TMEM229B: variants seen among roughly 807,000 people sequenced by gnomAD.
TMEM229B encodes transmembrane protein 229B.
A neutral mutation model predicts 13.7 loss-of-function variants in TMEM229B; 6 were observed. The ratio of observed to expected loss-of-function variants is 0.44; its 90% CI spans 0.24 to 0.86. The LOEUF (loss-of-function observed/expected upper bound fraction) is 0.86, where lower values mean the gene tolerates loss of function less well. Ranked by LOEUF, TMEM229B falls within the 40% of genes least tolerant of loss-of-function variation. The pLI, the probability that TMEM229B is intolerant of heterozygous loss-of-function variation, is 0.23. For missense variants in TMEM229B, 170 were observed against 236.0 expected (o/e 0.72, Z 1.83); for synonymous variants, 107 against 102.1 (o/e 1.05, Z -0.29).
At chr14:67,522,042 A>C (rs1203137787) in intron 1 of TMEM229B, among the ~76,000 whole-genome samples, 1 of 152,100 alleles carries the variant, frequency 6.6e-6, no homozygotes, top group Non-Finnish European at 1.5e-5. Flanking sequence ...GGCATGGTGG[A>C]GCGTGCCTGT....
At chr14:67,494,890 T>A (rs191872092) in intron 1 of TMEM229B, among the ~76,000 whole-genome samples, 1 of 152,148 alleles carries the variant, frequency 6.6e-6, no homozygotes, top group Admixed American at 6.5e-5. Flanking sequence ...GGTGGGAAGA[T>A]TGCTTGAAGT....
chr14:67,508,763 A>AAAAAAAAAAAAAAAAAAC (rs2032924787), intron 1 of TMEM229B, among the ~76,000 whole-genome samples: 1 of 150,648 alleles, frequency 6.6e-6, no homozygotes, highest in South Asian at 2.1e-4. Flanking sequence ...CAAAAAAAAA[A>AAAAAAAAAAAAAAAAAAC]AAAAAAAACA....
At chr14:67,489,797 T>C (rs1336757040), upstream of TMEM229B, among the ~76,000 whole-genome samples, 1 of 152,192 alleles carries the variant, frequency 6.6e-6, no homozygotes, top group Non-Finnish European at 1.5e-5. Context: ...GAGACCATCC[T>C]GGCTAACATG....
chr14:67,472,454 T>C lies in TMEM229B; in HGVS notation c.*966A>G, dbSNP rs2140025822. 1 of 152,434 alleles carries C rather than the reference T, an allele frequency of 6.6e-6. No individual in the cohort carries two copies. The highest frequency in any genetic ancestry group is 1.5e-5 in the Non-Finnish European group (1 of 68,150). 9.4% of individuals were successfully genotyped at this position (152,434 alleles called of 1,614,324 possible). On this transcript the variant is annotated 3_prime_UTR_variant, in exon 3 of 3. Coordinates refer to ENST00000554480, the MANE Select transcript of TMEM229B (RefSeq NM_001348543.2). ...CACAGGGCCTAACCCAGCCTGCCTG[T>C]GCATTGGAGGGCATCATTTGTTCTC...
intron 1 of TMEM229B, among the ~76,000 whole-genome samples, chr14:67,512,791 C>G (rs780778398): frequency 3.1e-4 from 47 of 152,074 alleles, no homozygotes; most frequent in Admixed American, 7.9e-4. Context: ...AGGAAAAAGC[C>G]CACCAGGAAG....
intron 1 of TMEM229B, among the ~76,000 whole-genome samples, chr14:67,510,857 A>G (rs903296456): frequency 6.6e-6 from 1 of 152,152 alleles, no homozygotes; most frequent in African/African-American, 2.4e-5. Context: ...AATGGCAGTT[A>G]TTGTCAGCAA....
chr14:67,527,141 C>T (rs1162075512), intron 1 of TMEM229B, among the ~76,000 whole-genome samples: 1 of 152,192 alleles, frequency 6.6e-6, no homozygotes, highest in Non-Finnish European at 1.5e-5. Context: ...AGGGAACCCA[C>T]ACATCCCTGA....
intron 1 of TMEM229B, among the ~76,000 whole-genome samples, chr14:67,514,293 G>A (rs555395946): frequency 5.3e-5 from 8 of 152,262 alleles, no homozygotes; most frequent in East Asian, 1.9e-4. Context: ...AAAGGGGTCC[G>A]TTTCTGACTG....
chr14:67,479,712 C>T (rs895162294), intron 2 of TMEM229B, among the ~76,000 whole-genome samples: 5 of 151,914 alleles, frequency 3.3e-5, no homozygotes, highest in Middle Eastern at 3.4e-3. Context: ...AGTGAGACTC[C>T]GTCTCAAAAA....
intron 2 of TMEM229B, among the ~76,000 whole-genome samples, chr14:67,479,232 C>G (rs2031424689): frequency 6.6e-6 from 1 of 151,518 alleles, no homozygotes; most frequent in South Asian, 2.1e-4. Context: ...ATGGTGAAAC[C>G]CTGTCTCTAC....
chr14:67,521,106 T>G (rs2033285217), intron 1 of TMEM229B, among the ~76,000 whole-genome samples: 1 of 152,200 alleles, frequency 6.6e-6, no homozygotes, highest in African/African-American at 2.4e-5. Context: ...AGCAAGAGGC[T>G]CTGAAAAGTA....
At chr14:67,475,517 A>G (rs979931758) in intron 2 of TMEM229B, among the ~76,000 whole-genome samples, 4 of 152,198 alleles carry the variant, frequency 2.6e-5, no homozygotes, top group African/African-American at 9.6e-5. Flanking sequence ...AGCAATGTAC[A>G]AGGGTTCCAA....
chr14:67,490,122 G>A (rs1368751999), upstream of TMEM229B, among the ~76,000 whole-genome samples: 1 of 152,170 alleles, frequency 6.6e-6, no homozygotes, highest in African/African-American at 2.4e-5. Context: ...TAAATTCTTG[G>A]GCGACTGAAA....
intron 1 of TMEM229B, among the ~76,000 whole-genome samples, chr14:67,529,077 C>T (rs927262629): frequency 1.6e-4 from 24 of 152,110 alleles, no homozygotes; most frequent in African/African-American, 5.3e-4. Context: ...CTTCAAGTTC[C>T]CTCCTCATTT....
chr14:67,521,897 C>T (rs2033296459), intron 1 of TMEM229B, among the ~76,000 whole-genome samples: 1 of 152,182 alleles, frequency 6.6e-6, no homozygotes, highest in South Asian at 2.1e-4. Context: ...GGGGATTAAG[C>T]CGGGCACGGT....
chr14:67,475,294 TG>T (rs2031113494), intron 2 of TMEM229B, among the ~76,000 whole-genome samples: 1 of 152,232 alleles, frequency 6.6e-6, no homozygotes, highest in Non-Finnish European at 1.5e-5. Context: ...CATCCATTGA[TG>T]GACACCTGGG....
intron 1 of TMEM229B, among the ~76,000 whole-genome samples, chr14:67,525,874 A>G (rs562231366): frequency 3.4e-4 from 52 of 152,354 alleles, no homozygotes; most frequent in Non-Finnish European, 6.5e-4. Flanking sequence ...GGAAATTTCT[A>G]CTTTCAAGAT....
At chr14:67,527,379 A>G (rs576411329) in intron 1 of TMEM229B, among the ~76,000 whole-genome samples, 1 of 152,216 alleles carries the variant, frequency 6.6e-6, no homozygotes, top group Non-Finnish European at 1.5e-5. Context: ...CGGAGGTTGC[A>G]GTGAGCCGAT....
chr14:67,509,489 T>C (rs980103974), intron 1 of TMEM229B, among the ~76,000 whole-genome samples: 2 of 152,136 alleles, frequency 1.3e-5, no homozygotes, highest in Admixed American at 6.5e-5. Context: ...CAGCTAATTT[T>C]TGTGTTTTTA....
Sources: allele counts gnomAD v4.1 joint callset (sites outside exome capture counted in the v4.1 genomes callset), GRCh38; gene constraint gnomAD v4.1.1; transcripts MANE v1.5; gene names NCBI Gene and HGNC (gene_info 2026-07-23, HGNC 2026-07-21).